The following YTHDC2 variants were observed in gnomAD, a reference collection of about 807,000 sequenced individuals.
YTHDC2 encodes YTH N6-methyladenosine RNA binding protein C2.
A neutral mutation model predicts 174.9 loss-of-function variants in YTHDC2; 45 were observed. The ratio of observed to expected loss-of-function variants is 0.26; its 90% CI spans 0.20 to 0.33. The LOEUF is 0.33. Among genes scored for constraint, YTHDC2 ranks in the 10% least tolerant of loss-of-function variants. The pLI is 1.00. For synonymous variants in YTHDC2, 657 were observed against 574.5 expected (o/e 1.14, Z -2.05); for missense variants, 1,650 against 1,723.7 (o/e 0.96, Z 0.76).
chr5:113,580,511 C>G (rs529949141), intron 24 of YTHDC2, among the ~76,000 whole-genome samples: 1 of 152,236 alleles, frequency 6.6e-6, no homozygotes, highest in African/African-American at 2.4e-5. Context: ...AGATCATTCT[C>G]TATACATTTT....
At chr5:113,561,473 A>ATAT (rs56886888) in intron 18 of YTHDC2, among the ~76,000 whole-genome samples, 1 of 138,480 alleles carries the variant, frequency 7.2e-6, no homozygotes, top group Non-Finnish European at 1.6e-5. Flanking sequence ...ATCTATCTAT[A>ATAT]TTTTTTTTTT....
chr5:113,539,397 T>C (rs1775296506), intron 8 of YTHDC2, among the ~76,000 whole-genome samples: 1 of 152,170 alleles, frequency 6.6e-6, no homozygotes, highest in South Asian at 2.1e-4. Flanking sequence ...TGAAAGTGGG[T>C]GCCAGAGTTG....
chr5:113,513,991 G>C lies in YTHDC2; in HGVS notation c.96G>C (p.Arg32=). 6.2e-7 allele frequency: 1 copy of C among 1,605,954 alleles called. No individual in the cohort carries two copies. Among genetic ancestry groups the C allele is most frequent in the Non-Finnish European group, 8.5e-7 (1 of 1,177,056 alleles). Residue 32 remains arginine, a synonymous_variant, in exon 1 of 30, where the codon CGG becomes CGC. Coordinates refer to ENST00000161863, the MANE Select transcript of YTHDC2 (RefSeq NM_022828.5). ...PSPCGPGGGG[R]AKGLKDIRID... The stretch of plus-strand genomic sequence containing the variant: ...CTTGTGGCCCTGGGGGCGGCGGCCG[G>C]GCCAAGGGGCTGAAGGACATTCGCA...
In YTHDC2 at chr5:113,581,581, T is replaced by G. The variant is rs11748794; in HGVS notation, c.3519T>G (p.Ser1173=). The change falls in exon 25 of 30, where the codon TCT becomes TCG. Residue 1173 remains serine, a synonymous_variant. Coordinates refer to ENST00000161863, the MANE Select transcript of YTHDC2 (RefSeq NM_022828.5). ...EEQSAGLQQP[S]GIGQRPRPMS... ...AGTCTGCAGGTTTACAACAACCATCTGGGATTGGCCAAAGGCCAAGGCCTA... is the reference window on the plus strand; with the variant it reads ...AGTCTGCAGGTTTACAACAACCATCGGGGATTGGCCAAAGGCCAAGGCCTA... 0.17 allele frequency: 281,164 copies of G among 1,613,770 alleles called. 27,811 individuals are homozygous for G. The highest frequency in any genetic ancestry group is 0.42 in the Admixed American group (25,417 of 59,960).
intron 5 of YTHDC2, 63 bp from the exon 6 acceptor site, chr5:113,534,242 A>T (rs1479115953): frequency 1.6e-6 from 2 of 1,224,322 alleles, no homozygotes; most frequent in Non-Finnish European, 1.2e-6. Flanking sequence ...ATTTAATGTG[A>T]TTATATTTTA....
intron 17 of YTHDC2, among the ~76,000 whole-genome samples, chr5:113,560,122 A>C (rs2914151): frequency 0.081 from 12,297 of 152,224 alleles, 720 homozygotes; most frequent in Non-Finnish European, 0.11. Flanking sequence ...AATTTTATGA[A>C]AGTTTTTGTG....
At chr5:113,558,419 T>C (rs1173375389) in intron 17 of YTHDC2, among the ~76,000 whole-genome samples, 1 of 152,160 alleles carries the variant, frequency 6.6e-6, no homozygotes, top group South Asian at 2.1e-4. Context: ...TGGATTGTTT[T>C]AGTGGTGGTG....
Position 113,592,067 on chromosome 5 carries a change from A to G in YTHDC2, c.4101A>G (p.Gly1367=). 1 of 1,613,068 alleles carries G rather than the reference A, an allele frequency of 6.2e-7. No individual in the cohort carries two copies. Among genetic ancestry groups the G allele is most frequent in the South Asian group, 1.1e-5 (1 of 90,978 alleles). Residue 1367 remains glycine (G), a synonymous_variant, in exon 28 of 30, where the codon GGA becomes GGG. Transcript: ENST00000161863. The stretch of plus-strand genomic sequence containing the variant: ...ACTGGGGCTCTGCTGGACTAGGAGG[A>G]GTATTTAAGGTGGAGTGGATACGAA... ...SQDWGSAGLG[G]VFKVEWIRKE... is the part of the protein sequence containing the mutation.
rs1023652911 is a variant in YTHDC2, at chr5:113,553,367, C to T, written c.1867+8C>T. Reference sequence around the variant, plus strand: ...GCCATAGTTGTGATGCTGGTAAATACGTGTTGTCTAAAAGAACTGGAGCAA... The same window carrying T: ...GCCATAGTTGTGATGCTGGTAAATATGTGTTGTCTAAAAGAACTGGAGCAA... On this transcript the variant is annotated splice_region_variant and intron_variant, in intron 13 of 29. Transcript: ENST00000161863. The T allele has an allele frequency of 1.2e-5, 19 of 1,586,516 alleles. No individual in the cohort carries two copies. The highest frequency in any genetic ancestry group is 1.7e-4 in the Middle Eastern group (1 of 5,930).
intron 9 of YTHDC2, 50 bp from the exon 10 acceptor site, chr5:113,542,318 C>T (rs763552074): frequency 3.2e-6 from 5 of 1,584,624 alleles, no homozygotes; most frequent in Non-Finnish European, 4.3e-6. Context: ...TCTTTGCAAG[C>T]AAATGTTAGG....
At chr5:113,561,006 A>C in intron 17 of YTHDC2, 74 bp from the exon 18 acceptor site, 2 of 1,253,056 alleles carry the variant, frequency 1.6e-6, no homozygotes, top group Non-Finnish European at 2.2e-6. Flanking sequence ...CTCTTTCCTA[A>C]ATCACATTGC....
intron 28 of YTHDC2, 132 bp downstream of exon 28, chr5:113,592,310 G>A: frequency 3.3e-6 from 3 of 902,426 alleles, no homozygotes; most frequent in Non-Finnish European, 4.7e-6. Flanking sequence ...CAGGGGTTCA[G>A]GTTTGTAAAA....
At chr5:113,531,465 T>C (rs72794121) in intron 4 of YTHDC2, among the ~76,000 whole-genome samples, 22,838 of 152,138 alleles carry the variant, frequency 0.15, 2,093 homozygotes, top group Admixed American at 0.31. Context: ...AGAGCAATTA[T>C]GTGGTCCTAA....
chr5:113,566,399 C>T (rs1042516464), intron 21 of YTHDC2, among the ~76,000 whole-genome samples: 8 of 146,612 alleles, frequency 5.5e-5, no homozygotes, highest in African/African-American at 2.0e-4. Flanking sequence ...GAATGCTGCT[C>T]TTCATATTTT....
chr5:113,586,889 T>TA, intron 26 of YTHDC2, among the ~76,000 whole-genome samples: 2 of 133,558 alleles, frequency 1.5e-5, no homozygotes, highest in African/African-American at 5.6e-5. Flanking sequence ...ATATATATAA[T>TA]ATATAAATAT....
At chr5:113,525,783 A>T (rs935704846) in intron 3 of YTHDC2, among the ~76,000 whole-genome samples, 7 of 152,154 alleles carry the variant, frequency 4.6e-5, no homozygotes, top group African/African-American at 1.7e-4. Flanking sequence ...TCACTTCCCT[A>T]TTAAGAAAAC....
intron 25 of YTHDC2, chr5:113,582,239 C>T (rs1778444572): frequency 6.6e-6 from 1 of 151,946 alleles, no homozygotes; most frequent in Non-Finnish European, 1.5e-5. Flanking sequence ...AAGATCTCCT[C>T]CAGAGGATAT....
chr5:113,529,847 G>GT (rs1774533906), intron 4 of YTHDC2, among the ~76,000 whole-genome samples: 1 of 151,830 alleles, frequency 6.6e-6, no homozygotes, highest in Non-Finnish European at 1.5e-5. Context: ...TTTTTATTTA[G>GT]TCAGATCTGT....
chr5:113,580,729 C>T (rs1778350229), intron 24 of YTHDC2, among the ~76,000 whole-genome samples: 1 of 152,184 alleles, frequency 6.6e-6, no homozygotes, highest in African/African-American at 2.4e-5. Context: ...TATTATTTAT[C>T]ACTATTGTCC....
Sources: gnomAD v4.1 joint callset for allele counts (sites outside exome capture counted in the v4.1 genomes callset) on GRCh38, gnomAD v4.1.1 for gene constraint, MANE v1.5 for transcripts, NCBI Gene and HGNC (gene_info 2026-07-23, HGNC 2026-07-21) for gene names.